The following ENAH variants were observed in gnomAD, a reference collection of about 807,000 sequenced individuals.
The protein encoded by ENAH is protein enabled homolog.
Under a neutral mutation model 78.7 loss-of-function variants are expected in ENAH, and 23 were observed. That is an observed-to-expected ratio of 0.29 (90% CI 0.21 to 0.41). ENAH has a LOEUF of 0.41. Among genes scored for constraint, ENAH ranks in the 10% least tolerant of loss-of-function variants. The pLI, the probability that ENAH is intolerant of heterozygous loss-of-function variation, is 1.00. For synonymous variants in ENAH, 226 were observed against 241.0 expected (o/e 0.94, Z 0.58); for missense variants, 544 against 691.0 (o/e 0.79, Z 2.39).
At chr1:225,585,179 G>A (rs963522090) in intron 1 of ENAH, among the ~76,000 whole-genome samples, 2 of 119,316 alleles carry the variant, frequency 1.7e-5, no homozygotes, top group African/African-American at 6.3e-5. Context: ...TCATGCCACT[G>A]CACTCCCATC....
At chr1:225,646,200 G>A (rs1661930679) in intron 1 of ENAH, among the ~76,000 whole-genome samples, 1 of 151,324 alleles carries the variant, frequency 6.6e-6, no homozygotes, top group South Asian at 2.1e-4. Context: ...TTCTGCTATA[G>A]ACTGAACTGT....
At chr1:225,499,575 G>A (rs2096270429) in intron 12 of ENAH, among the ~76,000 whole-genome samples, 1 of 152,166 alleles carries the variant, frequency 6.6e-6, no homozygotes, top group Non-Finnish European at 1.5e-5. Context: ...AGGAGGCTGA[G>A]GCAGGAGAAT....
chr1:225,630,619 A>T (rs927489415), intron 1 of ENAH, among the ~76,000 whole-genome samples: 3 of 152,256 alleles, frequency 2.0e-5, no homozygotes, highest in Non-Finnish European at 4.4e-5. Flanking sequence ...CACAATTTTT[A>T]GAAGGCTATT....
Position 225,490,150 on chromosome 1 carries a change from C to A in ENAH, c.*7625G>T, listed in dbSNP as rs992991349. 2.0e-5 allele frequency: 3 copies of A among 152,100 alleles called. No individual in the cohort carries two copies. Among genetic ancestry groups the A allele is most frequent in the African/African-American group, 7.2e-5 (3 of 41,384 alleles). 9.4% of individuals were successfully genotyped at this position (152,100 alleles called of 1,614,324 possible). On this transcript the variant is annotated 3_prime_UTR_variant, in exon 14 of 14. Coordinates refer to ENST00000366843, the MANE Select transcript of ENAH (RefSeq NM_018212.6). The stretch of plus-strand genomic sequence containing the variant: ...CAGTCCAATGACCTGCCCACAACTC[C>A]ACACACAAAAAAGGACAGACTGAGA...
rs1291351361 is a variant in ENAH, at chr1:225,488,767, A to G, written c.*9008T>C. The G allele has an allele frequency of 6.6e-6, 1 of 152,248 alleles. No homozygotes were observed. Among genetic ancestry groups the G allele is most frequent in the Non-Finnish European group, 1.5e-5 (1 of 68,044 alleles). 9.4% of individuals were successfully genotyped at this position (152,248 alleles called of 1,614,324 possible). On this transcript the variant is annotated 3_prime_UTR_variant, in exon 14 of 14. Transcript: ENST00000366843. ...AAAGAATGTCAGCAAAACAGGACCC[A>G]TCTTTTATCATCCCAAACTGCTATT...
At chr1:225,614,787 C>T (rs1575728270) in intron 1 of ENAH, among the ~76,000 whole-genome samples, 1 of 152,178 alleles carries the variant, frequency 6.6e-6, no homozygotes. Flanking sequence ...TGCCAGGAAC[C>T]AGGAACAGAG....
intron 5 of ENAH, chr1:225,517,815 T>C (rs2096433727): frequency 6.4e-7 from 1 of 1,550,886 alleles, no homozygotes. Context: ...GTCGCAGTGG[T>C]GGTGTAGGGG....
chr1:225,599,825 A>AC (rs1482100746), intron 1 of ENAH, among the ~76,000 whole-genome samples: 35 of 139,758 alleles, frequency 2.5e-4, no homozygotes, highest in African/African-American at 9.5e-4. Flanking sequence ...AAAAAAAGTG[A>AC]CCCCCTTTAT....
intron 4 of ENAH, chr1:225,524,484 G>C: frequency 2.5e-6 from 1 of 394,916 alleles, no homozygotes; most frequent in Non-Finnish European, 3.4e-6. Context: ...CAGTTTGATT[G>C]TATAACATGA....
At chr1:225,521,411 C>A (rs972329030) in intron 4 of ENAH, among the ~76,000 whole-genome samples, 1 of 152,018 alleles carries the variant, frequency 6.6e-6, no homozygotes, top group African/African-American at 2.4e-5. Flanking sequence ...GTAATCCCAG[C>A]ACTTTGGGAG....
intron 1 of ENAH, among the ~76,000 whole-genome samples, chr1:225,570,011 G>A (rs1404754319): frequency 2.6e-5 from 4 of 151,918 alleles, no homozygotes; most frequent in Non-Finnish European, 4.4e-5. Flanking sequence ...TTCGAGACCA[G>A]CCTGGCCAAC....
At chr1:225,645,473 G>T (rs2148481056) in intron 1 of ENAH, among the ~76,000 whole-genome samples, 1 of 152,284 alleles carries the variant, frequency 6.6e-6, no homozygotes, top group Non-Finnish European at 1.5e-5. Context: ...CTTTTTGGCT[G>T]TTATGAATAA....
At chr1:225,644,960 A>T (rs1398252039) in intron 1 of ENAH, among the ~76,000 whole-genome samples, 1 of 152,188 alleles carries the variant, frequency 6.6e-6, no homozygotes, top group Admixed American at 6.5e-5. Flanking sequence ...TGGTGACTTT[A>T]GTCATCCTTA....
intron 3 of ENAH, among the ~76,000 whole-genome samples, chr1:225,552,773 C>A (rs1273003107): frequency 2.0e-5 from 3 of 152,132 alleles, no homozygotes; most frequent in Non-Finnish European, 4.4e-5. Context: ...AACAAGAAGC[C>A]TTTTTCCCAC....
At chr1:225,526,086 C>A (rs1379875469) in intron 4 of ENAH, among the ~76,000 whole-genome samples, 1 of 152,042 alleles carries the variant, frequency 6.6e-6, no homozygotes, top group African/African-American at 2.4e-5. Context: ...AGTTTGCGGA[C>A]CTTTGATCTA....
intron 1 of ENAH, among the ~76,000 whole-genome samples, chr1:225,624,972 T>C (rs1479070248): frequency 2.6e-5 from 4 of 152,208 alleles, no homozygotes; most frequent in Non-Finnish European, 5.9e-5. Context: ...AGCTGACCCC[T>C]TAATGTGACA....
intron 11 of ENAH, among the ~76,000 whole-genome samples, chr1:225,503,432 T>C (rs555821633): frequency 1.1e-4 from 17 of 152,150 alleles, no homozygotes; most frequent in Non-Finnish European, 1.6e-4. Context: ...CATGCAACCA[T>C]GCCCAGCTAA....
At chr1:225,610,852 G>T (rs2096984394) in intron 1 of ENAH, among the ~76,000 whole-genome samples, 1 of 152,132 alleles carries the variant, frequency 6.6e-6, no homozygotes, top group African/African-American at 2.4e-5. Context: ...GACATTATAA[G>T]ATCCAAAAAC....
intron 1 of ENAH, among the ~76,000 whole-genome samples, chr1:225,631,575 CA>C (rs397939130): frequency 0.027 from 1,933 of 71,434 alleles, 26 homozygotes; most frequent in African/African-American, 0.066. Flanking sequence ...CACCATCTCT[CA>C]AAAAAAAAAA....
Sources: gnomAD v4.1 joint callset for allele counts (sites outside exome capture counted in the v4.1 genomes callset) on GRCh38, gnomAD v4.1.1 for gene constraint, MANE v1.5 for transcripts, NCBI Gene and HGNC (gene_info 2026-07-23, HGNC 2026-07-21) for gene names.